The following TRAK1 variants were observed in gnomAD, a reference collection of about 807,000 sequenced individuals.
The protein encoded by TRAK1 is trafficking kinesin-binding protein 1.
TRAK1 carries 33 observed loss-of-function variants against 92.1 expected under a neutral mutation model. The observed-to-expected ratio is 0.36, with a 90% CI of 0.27 to 0.48. TRAK1 has a LOEUF of 0.48. Ranked by LOEUF, TRAK1 falls within the 20% of genes least tolerant of loss-of-function variation. The pLI is 0.99. For synonymous variants in TRAK1, 521 were observed against 517.3 expected, an observed-to-expected ratio of 1.01 and a Z score of -0.10; for missense variants, 1,123 against 1,257.9, an observed-to-expected ratio of 0.89 and a Z score of 1.62.
chr3:42,214,371 C>A (rs182768008), intron 14 of TRAK1, among the ~76,000 whole-genome samples: 105 of 152,304 alleles, frequency 6.9e-4, no homozygotes, highest in African/African-American at 2.5e-3. Context: ...AGGCCAGCTC[C>A]CTTCACCTGT....
At chr3:42,195,986 G>C (rs1706564141) in intron 10 of TRAK1, among the ~76,000 whole-genome samples, 1 of 152,096 alleles carries the variant, frequency 6.6e-6, no homozygotes, top group South Asian at 2.1e-4. Context: ...TGTTTCCTGG[G>C]CACCCAGGAT....
chr3:42,100,007 G>A (rs764961083), intron 1 of TRAK1, among the ~76,000 whole-genome samples: 7 of 152,126 alleles, frequency 4.6e-5, no homozygotes, highest in Non-Finnish European at 1.0e-4. Context: ...ACTAGCAACA[G>A]GAGACAGGTT....
intron 9 of TRAK1, 45 bp from the exon 10 acceptor site, chr3:42,194,758 TG>T (rs1230677736): frequency 1.5e-5 from 24 of 1,605,352 alleles, no homozygotes; most frequent in Non-Finnish European, 2.0e-5. Context: ...TGTGTACACC[TG>T]GGTGCTCAGG....
At chr3:42,075,702 G>A (rs1704125281) in intron 1 of TRAK1, among the ~76,000 whole-genome samples, 2 of 152,000 alleles carry the variant, frequency 1.3e-5, no homozygotes, top group South Asian at 4.1e-4. Context: ...GTGAGATGGT[G>A]TTTTATTGTG....
chr3:42,218,807 T>C (rs1710001085), intron 14 of TRAK1: 1 of 985,310 alleles, frequency 1.0e-6, no homozygotes, highest in African/African-American at 1.7e-5. Flanking sequence ...AGCTAGGGGG[T>C]ATGGGGACCT....
At chr3:42,211,010 G>A in intron 14 of TRAK1, 2 of 985,462 alleles carry the variant, frequency 2.0e-6, no homozygotes, top group Non-Finnish European at 2.4e-6. Flanking sequence ...GGACCTCCCA[G>A]CCCCTTGTGT....
chr3:42,157,457 CAAAAAAAAAAAAAAAAAAAAAAAA>C lies in TRAK1; in HGVS notation c.287-19348_287-19325del, dbSNP rs60622565. Among the ~76,000 whole-genome samples the C allele has an allele frequency of 4.0e-3, 123 of 31,122 alleles. 3 individuals are homozygous for C. Among genetic ancestry groups the C allele is most frequent in the Admixed American group, 9.8e-3 (13 of 1,330 alleles). The allele number at this position is 31,122 out of a possible 152,430, so 20.4% of individuals were successfully genotyped here. A position where few individuals can be genotyped will look rare whatever the true frequency, so the allele number is the denominator to read the frequency against. On this transcript the variant is annotated intron_variant, in intron 2 of 15. Transcript: ENST00000327628. ...TGGGCAACAGAATGAGACCCTGTCTCAAAAAAAAAAAAAAAAAAAAAAAAAAAAAAAAGGTTAACATTGGCAGTA... is the reference window on the plus strand; with the variant it reads ...TGGGCAACAGAATGAGACCCTGTCTCAAAAAAAAGGTTAACATTGGCAGTA...
At chr3:42,172,859 A>G (rs567117940) in intron 2 of TRAK1, among the ~76,000 whole-genome samples, 1 of 152,336 alleles carries the variant, frequency 6.6e-6, no homozygotes, top group Non-Finnish European at 1.5e-5. Context: ...TTAAATTATC[A>G]TAGAGACTGA....
At chr3:42,041,531 T>C (rs528737508) in intron 1 of TRAK1, among the ~76,000 whole-genome samples, 1 of 152,274 alleles carries the variant, frequency 6.6e-6, no homozygotes, top group South Asian at 2.1e-4. Context: ...TAGGACTTTC[T>C]ATTTGTAAGA....
intron 1 of TRAK1, among the ~76,000 whole-genome samples, chr3:42,117,748 C>T (rs1424173970): frequency 4.6e-5 from 7 of 152,138 alleles, no homozygotes; most frequent in Non-Finnish European, 8.8e-5. Context: ...TTTAACTCCT[C>T]TGTGGAGGAG....
chr3:42,209,692 A>G, intron 13 of TRAK1, 75 bp from the exon 14 acceptor site: 2 of 1,440,518 alleles, frequency 1.4e-6, no homozygotes, highest in Non-Finnish European at 9.6e-7. Flanking sequence ...GGTGGTAAAC[A>G]GCCATTGTCT....
chr3:42,220,483 G>T, intron 15 of TRAK1: 5 of 985,414 alleles, frequency 5.1e-6, no homozygotes, highest in African/African-American at 1.7e-5. Context: ...CTTAAACTAT[G>T]AATAATTCTC....
chr3:42,167,713 T>C (rs1447541375), intron 2 of TRAK1, among the ~76,000 whole-genome samples: 1 of 152,106 alleles, frequency 6.6e-6, no homozygotes, highest in African/African-American at 2.4e-5. Flanking sequence ...ACCCTGTCTC[T>C]ACTAAAAATA....
In TRAK1 at chr3:42,201,036, C is replaced by T; in HGVS notation, c.1409C>T (p.Thr470Ile). The change falls in exon 12 of 16, where the codon ACA becomes ATA. Residue 470 changes from threonine (T) to isoleucine (I), a missense_variant. Coordinates refer to ENST00000327628, the MANE Select transcript of TRAK1 (RefSeq NM_001042646.3). Reference protein sequence around the residue: ...DNKTNSIILETEAADLGNDER... With the variant: ...DNKTNSIILEIEAADLGNDER... Reference sequence around the variant, plus strand: ...AAGACCAACAGCATCATTCTGGAAACAGAGGCAGCCGACCTGGGGTGAGCA... The same window carrying T: ...AAGACCAACAGCATCATTCTGGAAATAGAGGCAGCCGACCTGGGGTGAGCA... The T allele has an allele frequency of 1.9e-6, 3 of 1,614,204 alleles. No homozygotes were observed. The highest frequency in any genetic ancestry group is 2.5e-6 in the Non-Finnish European group (3 of 1,180,032).
chr3:42,195,753 A>C (rs1039174448), intron 10 of TRAK1, among the ~76,000 whole-genome samples: 1 of 152,240 alleles, frequency 6.6e-6, no homozygotes, highest in Non-Finnish European at 1.5e-5. Context: ...AAACAAAAAG[A>C]AAGACATATA....
intron 2 of TRAK1, chr3:42,160,561 TTGTTTTTG>T: frequency 1.5e-6 from 2 of 1,361,796 alleles, no homozygotes; most frequent in Non-Finnish European, 2.0e-6. Flanking sequence ...TAGCACTGTT[TTGTTTTTG>T]TTTTTTTTTA....
At chr3:42,016,885 A>G (rs539383443) in intron 1 of TRAK1, among the ~76,000 whole-genome samples, 196 of 152,304 alleles carry the variant, frequency 1.3e-3, no homozygotes, top group Non-Finnish European at 2.1e-3. Context: ...TTAATACTGT[A>G]TGGTCGGGAA....
rs1179973681 is a variant in TRAK1 at position 42,111,306 on chromosome 3, CAA to C, written c.92-14112_92-14111del. On this transcript the variant is annotated intron_variant, in intron 1 of 15. Transcript: ENST00000327628. ...AGGAACTCATAGTTTAGCTTTGAAA[CAA>C]AGAGGATACCAGTCCTTTTCCCAAA... 2.6e-5 allele frequency among the ~76,000 whole-genome samples: 4 copies of C among 152,190 alleles called. No individual in the cohort carries two copies. In the East Asian group the frequency reaches 5.8e-4, roughly 22 times the overall value.
At chr3:42,045,398 A>G (rs1702714274) in intron 1 of TRAK1, among the ~76,000 whole-genome samples, 4 of 152,098 alleles carry the variant, frequency 2.6e-5, no homozygotes, top group Admixed American at 2.6e-4. Flanking sequence ...AGCCAGGCAT[A>G]GTGGCGCGTG....
Sources: allele counts gnomAD v4.1 joint callset (sites outside exome capture counted in the v4.1 genomes callset), GRCh38; gene constraint gnomAD v4.1.1; transcripts MANE v1.5; gene names NCBI Gene and HGNC (gene_info 2026-07-23, HGNC 2026-07-21).